The following MROH7 variants were observed in gnomAD, a reference collection of about 807,000 sequenced individuals.
MROH7 encodes the protein maestro heat like repeat family member 7, also known as maestro heat-like repeat-containing protein family member 7.
Under a neutral mutation model 129.2 loss-of-function variants are expected in MROH7, and 113 were observed. That is an observed-to-expected ratio of 0.87 (90% confidence interval 0.75 to 1.02). MROH7 has a LOEUF of 1.02. MROH7 is among the 50% of genes least tolerant of loss of function. The pLI is 0.00. For synonymous variants in MROH7, 655 were observed against 667.9 expected (o/e 0.98, Z 0.30); for missense variants, 1,601 against 1,671.3 (o/e 0.96, Z 0.73).
chr1:54,670,243 A>T (rs1449192887), intron 5 of MROH7, among the ~76,000 whole-genome samples: 4 of 152,088 alleles, frequency 2.6e-5, no homozygotes, highest in Admixed American at 2.0e-4. Flanking sequence ...CCAAGGCAGG[A>T]GGATGGCTTG....
chr1:54,647,929 A>G (rs115530817), intron 1 of MROH7, among the ~76,000 whole-genome samples: 2,830 of 145,520 alleles, frequency 0.019, 89 homozygotes, highest in Admixed American at 0.087. Context: ...AAAAAAAAAG[A>G]ATGTGGGATA....
chr1:54,699,098 C>CTTTTTTTT (rs1398016916), intron 17 of MROH7: 94 of 40,840 alleles, frequency 2.3e-3, no homozygotes, highest in African/African-American at 6.7e-3. Context: ...CTGGCCTTTT[C>CTTTTTTTT]TTTCTTTCTT....
Position 54,674,070 on chromosome 1 carries a change from A to C in MROH7, c.1855A>C (p.Ile619Leu). The C allele has an allele frequency of 1.9e-6, 3 of 1,613,982 alleles. No individual in the cohort carries two copies. The highest frequency in any genetic ancestry group is 2.5e-6 in the Non-Finnish European group (3 of 1,179,940). The change falls in exon 10 of 24, where the codon ATT (isoleucine) becomes CTT (leucine). Residue 619 changes from isoleucine to leucine, a missense_variant. Ile to Leu is a conservative substitution (Grantham distance 5). Coordinates refer to ENST00000421030, the MANE Select transcript of MROH7 (RefSeq NM_001039464.4). ...TCTGCTGGGGAGACTCATCCTTCAC[A>C]TTGGGGATCCTGATGAGGAGATTGG... The part of the protein sequence containing the change: ...GLLLGRLILH[I>L]GDPDEEIGCE...
intron 3 of MROH7, 33 bp downstream of exon 3, chr1:54,654,190 C>T (rs1037145123): frequency 1.3e-6 from 2 of 1,546,962 alleles, no homozygotes; most frequent in African/African-American, 2.7e-5. Context: ...AGAGAGAGCA[C>T]TGTCCTGGAG....
Position 54,695,398 on chromosome 1 carries a change from C to G in MROH7, c.2872C>G (p.Gln958Glu), listed in dbSNP as rs1469189135. ...CAGGGCCATGGTGCAGTACTCCTGC[C>G]AGGAGCTGTGCCGCATCCTCTACCT... ...LARAMVQYSC[Q>E]ELCRILYLLI... The change falls in exon 17 of 24, where the codon CAG (glutamine) becomes GAG (glutamate). Residue 958 changes from glutamine to glutamate, a missense_variant. Physicochemically the swap from Gln to Glu is conservative, Grantham distance 29 (BLOSUM62 2). Transcript: ENST00000421030. The G allele has an allele frequency of 1.9e-6, 3 of 1,612,806 alleles. No individual in the cohort carries two copies. Among genetic ancestry groups the G allele is most frequent in the East Asian group, 4.5e-5 (2 of 44,820 alleles).
At chr1:54,682,591 T>G in intron 13 of MROH7, 65 bp from the exon 14 acceptor site, 1 of 1,535,170 alleles carries the variant, frequency 6.5e-7, no homozygotes, top group Non-Finnish European at 8.8e-7. Flanking sequence ...CCCAAAACCA[T>G]TTGGAGGCTG....
rs1392776293 is a variant in MROH7, at chr1:54,654,091, C to G, written c.1165C>G (p.Pro389Ala). 6.2e-7 allele frequency: 1 copy of G among 1,613,960 alleles called. No individual in the cohort carries two copies. The highest frequency in any genetic ancestry group is 1.1e-5 in the South Asian group (1 of 91,018). ...EMASIKVGQF[P>A]LGFPISNPAG... ...GGCCAGCATTAAGGTGGGCCAGTTC[C>G]CGCTGGGATTCCCCATCTCCAACCC... Residue 389 changes from proline to alanine, a missense_variant, in exon 3 of 24, where the codon CCG becomes GCG. Pro to Ala is a conservative substitution (Grantham distance 27, BLOSUM62 -1). Coordinates refer to ENST00000421030, the MANE Select transcript of MROH7 (RefSeq NM_001039464.4).
At chr1:54,659,103 GT>G (rs752589336) in intron 3 of MROH7, 105 of 429,788 alleles carry the variant, frequency 2.4e-4, no homozygotes, top group East Asian at 6.3e-4. Context: ...TGTTTGTTTT[GT>G]TTTTTTTTAG....
chr1:54,668,442 A>G lies in MROH7; in HGVS notation c.1306-412A>G, dbSNP rs894896520. Among the ~76,000 whole-genome samples the G allele has an allele frequency of 2.6e-5, 4 of 152,150 alleles. No individual in the cohort carries two copies. The South Asian group carries it at 6.2e-4, about 24-fold the overall frequency. On this transcript the variant is annotated intron_variant, in intron 4 of 23. Coordinates refer to ENST00000421030, the MANE Select transcript of MROH7 (RefSeq NM_001039464.4). ...TTAACATGATGAGAACGGAGAGATT[A>G]GTTGGATATTGGTTAATGTGTTCTC...
At chr1:54,667,427 C>A (rs889702494) in intron 4 of MROH7, among the ~76,000 whole-genome samples, 1 of 151,898 alleles carries the variant, frequency 6.6e-6, no homozygotes, top group African/African-American at 2.4e-5. Flanking sequence ...TTGAGACCAA[C>A]CTGGGCAACA....
intron 20 of MROH7, 88 bp downstream of exon 20, chr1:54,702,333 A>G (rs1344361595): frequency 8.2e-7 from 1 of 1,213,108 alleles, no homozygotes; most frequent in Non-Finnish European, 1.1e-6. Flanking sequence ...CAGAGTCTCA[A>G]ACAATCCTGG....
In MROH7 at chr1:54,653,219, G is replaced by T. The variant is rs951015500; in HGVS notation, c.293G>T (p.Ser98Ile). The change falls in exon 3 of 24, where the codon AGT (serine) becomes ATT (isoleucine). Residue 98 changes from serine (S) to isoleucine (I), a missense_variant. By Grantham distance (142) the Ser-to-Ile change is moderately radical. Coordinates refer to ENST00000421030, the MANE Select transcript of MROH7 (RefSeq NM_001039464.4). ...AIAPASLQIT[S>I]SCSGEALDLD... ...GCTCCAGCCTCCCTCCAGATCACCA[G>T]TTCTTGTTCTGGTGAAGCCCTGGAC... The T allele has an allele frequency of 3.7e-6, 6 of 1,614,194 alleles. No individual in the cohort carries two copies. Among genetic ancestry groups the T allele is most frequent in the Non-Finnish European group, 4.2e-6 (5 of 1,180,046 alleles).
intron 3 of MROH7, among the ~76,000 whole-genome samples, chr1:54,658,805 A>G (rs1291113332): frequency 2.0e-5 from 3 of 152,002 alleles, no homozygotes; most frequent in Non-Finnish European, 4.4e-5. Context: ...GGTAGTGGGG[A>G]TGGGGGTGCT....
chr1:54,668,893 C>T lies in MROH7; in HGVS notation c.1345C>T (p.Leu449=). ...CACCCTTCAGAAGAGCCAGGATCTG[C>T]TGGAGGCAGAAGGAGAAAAGAAGAC... ...VTTLQKSQDL[L]EAEGEKKTMI... is the part of the protein sequence containing the mutation. The change falls in exon 5 of 24, where the codon CTG becomes TTG. Residue 449 remains leucine (L), a synonymous_variant. Coordinates refer to ENST00000421030, the MANE Select transcript of MROH7 (RefSeq NM_001039464.4). 1 of 1,613,710 alleles carries T rather than the reference C, an allele frequency of 6.2e-7. No homozygotes were observed. The highest frequency in any genetic ancestry group is 8.5e-7 in the Non-Finnish European group (1 of 1,179,848).
rs746734190 is a variant in MROH7 at position 54,692,605 on chromosome 1, G to A, written c.2849+44G>A. 15 of 1,591,480 alleles carry A rather than the reference G, an allele frequency of 9.4e-6. No homozygotes were observed. The African/African-American group carries it at 2.0e-4, about 21-fold the overall frequency. On this transcript the variant is annotated intron_variant, in intron 16 of 23. Coordinates refer to ENST00000421030, the MANE Select transcript of MROH7 (RefSeq NM_001039464.4). ...TTGGGGTTGGGGTGGGAGGGAGAAAGAGGGGGACCTCAGGATCTTCAGACG... is the reference window on the plus strand; with the variant it reads ...TTGGGGTTGGGGTGGGAGGGAGAAAAAGGGGGACCTCAGGATCTTCAGACG...
chr1:54,703,977 G>A lies in MROH7; in HGVS notation c.3564+1232G>A, dbSNP rs187371799. On this transcript the variant is annotated intron_variant, in intron 21 of 23. Coordinates refer to ENST00000421030, the MANE Select transcript of MROH7 (RefSeq NM_001039464.4). This position sits in a 1 kb window ranked among gnomAD's most constrained non-coding sequence, Gnocchi z 4.4. The stretch of plus-strand genomic sequence containing the variant: ...TCACCCTGGGAAGGGCTTGACCTTG[G>A]GCCAGGCAGTTCTCAGCCCAGGCAA... Among the ~76,000 whole-genome samples the A allele has an allele frequency of 1.9e-3, 283 of 152,162 alleles. 5 individuals carry two copies. Among genetic ancestry groups the A allele is most frequent in the Admixed American group, 0.013 (205 of 15,282 alleles).
At chr1:54,666,106 T>A (rs1301634865) in intron 4 of MROH7, among the ~76,000 whole-genome samples, 1 of 152,190 alleles carries the variant, frequency 6.6e-6, no homozygotes, top group Non-Finnish European at 1.5e-5. Flanking sequence ...ACAACAAAGC[T>A]GAAGTGAGGC....
intron 1 of MROH7, among the ~76,000 whole-genome samples, chr1:54,644,967 A>G (rs1382336085): frequency 1.3e-5 from 2 of 150,810 alleles, no homozygotes; most frequent in Non-Finnish European, 3.0e-5. Flanking sequence ...CTGTCACCAT[A>G]CCTGGCTAAT....
intron 3 of MROH7, among the ~76,000 whole-genome samples, chr1:54,662,868 T>G (rs1024658679): frequency 1.2e-4 from 19 of 152,196 alleles, no homozygotes; most frequent in Non-Finnish European, 7.3e-5. Flanking sequence ...TTGATACATT[T>G]GAAGATGACA....
Sources: gnomAD v4.1 joint callset for allele counts (sites outside exome capture counted in the v4.1 genomes callset) on GRCh38, gnomAD v4.1.1 for gene constraint, Gnocchi (gnomAD v3.1) non-coding constraint, MANE v1.5 for transcripts, NCBI Gene and HGNC (gene_info 2026-07-23, HGNC 2026-07-21) for gene names.